NXPH1: variants seen among roughly 807,000 people sequenced by gnomAD.
The protein encoded by NXPH1 is neurexophilin 1, also known as neurexophilin-1.
Under a neutral mutation model 23.7 loss-of-function variants are expected in NXPH1, and 5 were observed. The ratio of observed to expected loss-of-function variants is 0.21; its 90% confidence interval spans 0.11 to 0.44. The LOEUF (loss-of-function observed/expected upper bound fraction) is 0.44, where lower values mean the gene tolerates loss of function less well. Ranked by LOEUF, NXPH1 falls within the 20% of genes least tolerant of loss-of-function variation. The probability of loss-of-function intolerance (pLI) is 0.99; values close to 1 mark genes in which losing one functional copy is unlikely to be tolerated. For synonymous variants in NXPH1, 144 were observed against 122.2 expected, an observed-to-expected ratio of 1.18 and a Z score of -1.18; for missense variants, 324 against 321.6, an observed-to-expected ratio of 1.01 and a Z score of -0.06.
At chr7:8,543,580 C>A (rs1818151218) in intron 2 of NXPH1, among the ~76,000 whole-genome samples, 1 of 151,720 alleles carries the variant, frequency 6.6e-6, no homozygotes, top group Non-Finnish European at 1.5e-5. Context: ...TATAAAAAAT[C>A]CCAGGAGATT....
rs76806750 is a variant in NXPH1 at position 8,704,075 on chromosome 7, G to A, written c.55-46933G>A. ...TTAGACTAAGGAGGAGATATGTAAT[G>A]ATATATATATAGCATAAGGTTAAAC... On this transcript the variant is annotated intron_variant, in intron 2 of 2. Coordinates refer to ENST00000405863, the MANE Select transcript of NXPH1 (RefSeq NM_152745.3). Among the ~76,000 whole-genome samples, 212 of 152,150 alleles carry A rather than the reference G, an allele frequency of 1.4e-3. 1 individual carries two copies. In the East Asian group the frequency reaches 0.037, roughly 27 times the overall value.
At chr7:8,468,920 C>T (rs1816826979) in intron 2 of NXPH1, among the ~76,000 whole-genome samples, 1 of 151,880 alleles carries the variant, frequency 6.6e-6, no homozygotes, top group Admixed American at 6.6e-5. Flanking sequence ...GTATATAAGG[C>T]AATTTTTAAG....
chr7:8,734,357 G>T (rs1004558676), intron 2 of NXPH1, among the ~76,000 whole-genome samples: 1 of 152,138 alleles, frequency 6.6e-6, no homozygotes, highest in Admixed American at 6.6e-5. Context: ...GGCTATACGG[G>T]CTCTTTTTTG....
At chr7:8,445,477 A>G (rs971097496) in intron 2 of NXPH1, among the ~76,000 whole-genome samples, 1 of 152,198 alleles carries the variant, frequency 6.6e-6, no homozygotes, top group African/African-American at 2.4e-5. Context: ...ACAATGCATA[A>G]ATTTACACAT....
In NXPH1 at chr7:8,528,367, A is replaced by C. The variant is rs1315169982; in HGVS notation, c.54+92600A>C. Among the ~76,000 whole-genome samples, 5 of 152,242 alleles carry C rather than the reference A, an allele frequency of 3.3e-5. No homozygotes were observed. In the South Asian group the frequency reaches 8.3e-4, roughly 25 times the overall value. ...CTTGGGGCTACAGCCTGGACATTGCAGGAGAATGTGGTGGAATTTAGGCAT... is the reference window on the plus strand; with the variant it reads ...CTTGGGGCTACAGCCTGGACATTGCCGGAGAATGTGGTGGAATTTAGGCAT... On this transcript the variant is annotated intron_variant, in intron 2 of 2. Coordinates refer to ENST00000405863, the MANE Select transcript of NXPH1 (RefSeq NM_152745.3).
At position 8,632,326 on chromosome 7, in the gene NXPH1, T is replaced by A. The variant is rs1583206599; in HGVS notation, c.55-118682T>A. Among the ~76,000 whole-genome samples, 11 of 152,324 alleles carry A rather than the reference T, an allele frequency of 7.2e-5. No homozygotes were observed. The South Asian group carries it at 2.3e-3, about 32-fold the overall frequency. ...TTTTCCAGCAGTAGTTTTCTATCAA[T>A]ATTTTATACGTTGATTGCAATTTAC... is the stretch of plus-strand genomic sequence containing the variant. On this transcript the variant is annotated intron_variant, in intron 2 of 2. Transcript: ENST00000405863.
intron 2 of NXPH1, among the ~76,000 whole-genome samples, chr7:8,439,449 A>G (rs1816254109): frequency 1.3e-5 from 2 of 152,276 alleles, no homozygotes; most frequent in South Asian, 4.1e-4. Context: ...GCTAATGAAA[A>G]AGCTACTCAG....
At chr7:8,532,891 T>A (rs965545127) in intron 2 of NXPH1, among the ~76,000 whole-genome samples, 1 of 152,140 alleles carries the variant, frequency 6.6e-6, no homozygotes, top group Non-Finnish European at 1.5e-5. Context: ...TAGGTTAGTG[T>A]GGGGGTAAAT....
intron 2 of NXPH1, among the ~76,000 whole-genome samples, chr7:8,565,061 T>G (rs1459210301): frequency 6.6e-6 from 1 of 151,798 alleles, no homozygotes; most frequent in Non-Finnish European, 1.5e-5. Flanking sequence ...GAGAACTCTT[T>G]CCTGCCCAAT....
chr7:8,520,319 A>G (rs1273818900), intron 2 of NXPH1, among the ~76,000 whole-genome samples: 2 of 152,178 alleles, frequency 1.3e-5, no homozygotes, highest in African/African-American at 2.4e-5. Flanking sequence ...TAAGGGGAAA[A>G]GCAGCAGCAT....
chr7:8,665,995 T>C (rs1820757920), intron 2 of NXPH1, among the ~76,000 whole-genome samples: 2 of 151,138 alleles, frequency 1.3e-5, no homozygotes, highest in South Asian at 2.1e-4. Flanking sequence ...AGGGACAATT[T>C]AGCATTTAAT....
At chr7:8,652,293 A>G (rs544101116) in intron 2 of NXPH1, among the ~76,000 whole-genome samples, 1 of 152,146 alleles carries the variant, frequency 6.6e-6, no homozygotes, top group Non-Finnish European at 1.5e-5. Context: ...AACTCCCTGA[A>G]GTATTTAAAT....
At chr7:8,506,792 T>C (rs778595897) in intron 2 of NXPH1, among the ~76,000 whole-genome samples, 2 of 151,844 alleles carry the variant, frequency 1.3e-5, no homozygotes, top group Non-Finnish European at 2.9e-5. Flanking sequence ...CAGCAGAGGG[T>C]ACATGGAACA....
At chr7:8,476,660 C>A (rs1015081056) in intron 2 of NXPH1, among the ~76,000 whole-genome samples, 2 of 151,582 alleles carry the variant, frequency 1.3e-5, no homozygotes, top group Middle Eastern at 3.2e-3. Context: ...ATTTTTTCTA[C>A]CTTAGCTATG....
intron 2 of NXPH1, among the ~76,000 whole-genome samples, chr7:8,624,095 G>A (rs1434139144): frequency 6.6e-6 from 1 of 152,170 alleles, no homozygotes; most frequent in Non-Finnish European, 1.5e-5. Context: ...AGGAGAAGCA[G>A]TGTGAGTGGA....
rs1021747405 is a variant in NXPH1, at chr7:8,649,225, C to T, written c.55-101783C>T. 1.2e-4 allele frequency among the ~76,000 whole-genome samples: 19 copies of T among 152,198 alleles called. No homozygotes were observed. The South Asian group carries it at 2.3e-3, about 18-fold the overall frequency. On this transcript the variant is annotated intron_variant, in intron 2 of 2. Coordinates refer to ENST00000405863, the MANE Select transcript of NXPH1 (RefSeq NM_152745.3). Reference sequence around the variant, plus strand: ...AGAGTGAGTTTAGTCCATTTACATTCATTGTGATTGCCAACATATTTCAGT... The same window carrying T: ...AGAGTGAGTTTAGTCCATTTACATTTATTGTGATTGCCAACATATTTCAGT...
intron 2 of NXPH1, among the ~76,000 whole-genome samples, chr7:8,693,570 A>G (rs537029072): frequency 3.9e-5 from 6 of 152,330 alleles, no homozygotes; most frequent in Admixed American, 3.3e-4. Flanking sequence ...ACTAATATCT[A>G]TGTCACAAGA....
intron 2 of NXPH1, among the ~76,000 whole-genome samples, chr7:8,524,470 C>T (rs76981841): frequency 6.6e-6 from 1 of 152,196 alleles, no homozygotes; most frequent in East Asian, 1.9e-4. Flanking sequence ...TCCTTCCTTA[C>T]TTACACTGAC....
intron 2 of NXPH1, among the ~76,000 whole-genome samples, chr7:8,611,895 G>A (rs1408800834): frequency 6.6e-6 from 1 of 152,018 alleles, no homozygotes; most frequent in Non-Finnish European, 1.5e-5. Context: ...TCTTAGCAGT[G>A]AAACTTTAGG....
Sources: allele counts gnomAD v4.1 joint callset (sites outside exome capture counted in the v4.1 genomes callset), GRCh38; gene constraint gnomAD v4.1.1; transcripts MANE v1.5; gene names NCBI Gene and HGNC (gene_info 2026-07-23, HGNC 2026-07-21).